The following PRRX2 variants were observed in gnomAD, a reference collection of about 807,000 sequenced individuals.
PRRX2 encodes paired mesoderm homeobox protein 2.
Under a neutral mutation model 18.0 loss-of-function variants are expected in PRRX2, and 11 were observed. The ratio of observed to expected loss-of-function variants is 0.61; its 90% CI spans 0.39 to 1.01. The LOEUF (loss-of-function observed/expected upper bound fraction) is 1.01, where lower values mean the gene tolerates loss of function less well. Ranked by LOEUF, PRRX2 falls within the 50% of genes least tolerant of loss-of-function variation. The pLI, the probability that PRRX2 is intolerant of heterozygous loss-of-function variation, is 0.01. For missense variants in PRRX2, 387 were observed against 351.0 expected (o/e 1.10, Z -0.82); for synonymous variants, 177 against 154.8 (o/e 1.14, Z -1.06).
intron 1 of PRRX2, among the ~76,000 whole-genome samples, chr9:129,688,758 CA>C (rs1832324009): frequency 6.6e-6 from 1 of 152,190 alleles, no homozygotes; most frequent in African/African-American, 2.4e-5. Context: ...CAAACGTGCA[CA>C]GGGGTTCTGG....
chr9:129,682,902 C>T (rs907071511), intron 1 of PRRX2, among the ~76,000 whole-genome samples: 1 of 150,540 alleles, frequency 6.6e-6, no homozygotes, highest in South Asian at 2.1e-4. Flanking sequence ...GTCAGGTGTT[C>T]GAAACCAGCC....
rs568398839 is a variant in PRRX2, at chr9:129,714,971, G to A, written c.260-4260G>A. ...TTTTCAGCGCAAGGGCTCTTGTTTC[G>A]GTTTAAAGTTTCTTCCTCATCGAGG... On this transcript the variant is annotated intron_variant, in intron 1 of 3. Coordinates refer to ENST00000372469, the MANE Select transcript of PRRX2 (RefSeq NM_016307.4). Among the ~76,000 whole-genome samples, 39 of 152,166 alleles carry A rather than the reference G, an allele frequency of 2.6e-4. 1 individual carries two copies. The highest frequency in any genetic ancestry group is 8.2e-4 in the African/African-American group (34 of 41,520).
chr9:129,717,310 T>A (rs913599820), intron 1 of PRRX2, among the ~76,000 whole-genome samples: 8 of 152,064 alleles, frequency 5.3e-5, no homozygotes, highest in Admixed American at 2.6e-4. Flanking sequence ...CCTCAAGTAA[T>A]CCACCTGCCT....
rs146604293 is a variant in PRRX2, at chr9:129,688,408, G to A, written c.259+22282G>A. 3.9e-3 allele frequency among the ~76,000 whole-genome samples: 593 copies of A among 152,204 alleles called. 4 individuals carry two copies. The highest frequency in any genetic ancestry group is 0.011 in the Admixed American group (164 of 15,284). On this transcript the variant is annotated intron_variant, in intron 1 of 3. Transcript: ENST00000372469. ...CTGGGAAGAGCCCCATGATATAATG[G>A]GGGTCATTTGAAGAGCTACCCTGGA... is the stretch of plus-strand genomic sequence containing the variant.
intron 1 of PRRX2, among the ~76,000 whole-genome samples, chr9:129,697,905 C>A (rs1204564866): frequency 6.6e-6 from 1 of 152,010 alleles, no homozygotes; most frequent in East Asian, 1.9e-4. Context: ...TAAGATGAGG[C>A]CTTTGGGGCA....
chr9:129,695,056 C>G lies in PRRX2; in HGVS notation c.260-24175C>G, dbSNP rs1016477708. 2.0e-5 allele frequency among the ~76,000 whole-genome samples: 3 copies of G among 152,138 alleles called. No individual in the cohort carries two copies. Among genetic ancestry groups the G allele is most frequent in the African/African-American group, 7.2e-5 (3 of 41,418 alleles). On this transcript the variant is annotated intron_variant, in intron 1 of 3. Transcript: ENST00000372469. The surrounding 1 kb of genome is among the most constrained non-coding windows in gnomAD (Gnocchi z 4.8). ...GGGTCTGGGGGCAGGGTCCCAGTAC[C>G]CACTGATTAATCTTTTGGGGTCACC...
chr9:129,693,124 A>C (rs1832381436), intron 1 of PRRX2, among the ~76,000 whole-genome samples: 2 of 151,942 alleles, frequency 1.3e-5, no homozygotes, highest in African/African-American at 2.4e-5. Context: ...CTGTAGTTTT[A>C]ATTTGCATTT....
chr9:129,690,844 G>A (rs1832352080), intron 1 of PRRX2, among the ~76,000 whole-genome samples: 1 of 151,926 alleles, frequency 6.6e-6, no homozygotes, highest in South Asian at 2.1e-4. Context: ...TCTACACCAT[G>A]AGGCCATCTC....
At chr9:129,718,988 TTTG>T (rs1463566430) in intron 1 of PRRX2, among the ~76,000 whole-genome samples, 3 of 152,106 alleles carry the variant, frequency 2.0e-5, no homozygotes, top group Admixed American at 6.5e-5. Flanking sequence ...TGTGGCTGCT[TTTG>T]TTCTCCGTTA....
At chr9:129,714,473 G>A (rs935782583) in intron 1 of PRRX2, among the ~76,000 whole-genome samples, 18 of 151,992 alleles carry the variant, frequency 1.2e-4, no homozygotes, top group Admixed American at 5.2e-4. Context: ...TGCAGGGGAC[G>A]GTGGGTGGCC....
intron 1 of PRRX2, among the ~76,000 whole-genome samples, chr9:129,691,219 C>T (rs1832357041): frequency 6.6e-6 from 1 of 151,286 alleles, no homozygotes. Flanking sequence ...AACCTGTAAT[C>T]CCAGCTACAT....
At chr9:129,680,364 G>A (rs1417051743) in intron 1 of PRRX2, among the ~76,000 whole-genome samples, 2 of 141,444 alleles carry the variant, frequency 1.4e-5, no homozygotes, top group African/African-American at 2.7e-5. Context: ...TCATGCCACT[G>A]CACTCCAGCC....
intron 1 of PRRX2, among the ~76,000 whole-genome samples, chr9:129,681,253 C>G (rs888672126): frequency 6.6e-6 from 1 of 152,216 alleles, no homozygotes; most frequent in Non-Finnish European, 1.5e-5. Context: ...GGTGTGATGG[C>G]TCACACCTGT....
At chr9:129,684,459 C>CACACA (rs1491097967) in intron 1 of PRRX2, among the ~76,000 whole-genome samples, 1 of 134,158 alleles carries the variant, frequency 7.5e-6, no homozygotes, top group African/African-American at 2.9e-5. Context: ...CACACACACA[C>CACACA]CCAACAGAAA....
Position 129,691,927 on chromosome 9 carries a change from C to T in PRRX2, c.259+25801C>T, listed in dbSNP as rs889860530. ...TATGAGCCATCGTGCCTGGCCTAGA[C>T]GGTACTTATTTATTTATTTATTTAT... On this transcript the variant is annotated intron_variant, in intron 1 of 3. Transcript: ENST00000372469. Among the ~76,000 whole-genome samples the T allele has an allele frequency of 5.1e-5, 7 of 136,006 alleles. No homozygotes were observed. In the East Asian group the frequency reaches 7.0e-4, roughly 14 times the overall value. The allele number at this position is 136,006 out of a possible 152,430, so 89.2% of individuals were successfully genotyped here.
Position 129,695,566 on chromosome 9 carries a change from G to T in PRRX2, c.260-23665G>T, listed in dbSNP as rs1564150137. Among the ~76,000 whole-genome samples the T allele has an allele frequency of 6.6e-6, 1 of 152,180 alleles. No homozygotes were observed. Among genetic ancestry groups the T allele is most frequent in the Non-Finnish European group, 1.5e-5 (1 of 68,040 alleles). ...CTCAGTCTTAGCCTGGCACAGAGCTGGGAGCCGGGCCGGGAGCCCCCAGCT... is the reference window on the plus strand; with the variant it reads ...CTCAGTCTTAGCCTGGCACAGAGCTTGGAGCCGGGCCGGGAGCCCCCAGCT... On this transcript the variant is annotated intron_variant, in intron 1 of 3. Transcript: ENST00000372469. The surrounding 1 kb of genome is among the most constrained non-coding windows in gnomAD (Gnocchi z 4.8).
At chr9:129,710,605 C>A (rs1384932080) in intron 1 of PRRX2, among the ~76,000 whole-genome samples, 1 of 152,158 alleles carries the variant, frequency 6.6e-6, no homozygotes, top group East Asian at 1.9e-4. Flanking sequence ...TGGTGGCAGG[C>A]ACTTGTAGTC....
In PRRX2 at chr9:129,666,062, G is replaced by A; in HGVS notation, c.195G>A (p.Ala65=). Residue 65 remains alanine, a synonymous_variant, in exon 1 of 4, where the codon GCG becomes GCA. Coordinates refer to ENST00000372469, the MANE Select transcript of PRRX2 (RefSeq NM_016307.4). ...LAARPGARAE[A]REGAAREPSG... is the part of the protein sequence containing the mutation. ...CGCGCCCCGGGGCCAGGGCCGAGGC[G>A]CGGGAGGGCGCAGCACGGGAGCCGT... The A allele has an allele frequency of 9.6e-7, 1 of 1,042,536 alleles. No individual in the cohort carries two copies. Among genetic ancestry groups the A allele is most frequent in the African/African-American group, 1.7e-5 (1 of 58,012 alleles). The allele number at this position is 1,042,536 out of a possible 1,614,324, so 64.6% of individuals were successfully genotyped here. A position where few individuals can be genotyped will look rare whatever the true frequency, so the allele number is the denominator to read the frequency against.
chr9:129,719,401 A>G lies in PRRX2; in HGVS notation c.430A>G (p.Ser144Gly). 6.5e-7 allele frequency: 1 copy of G among 1,540,682 alleles called. No homozygotes were observed. The highest frequency in any genetic ancestry group is 8.7e-7 in the Non-Finnish European group (1 of 1,143,330). ...REELARRVNL[S>G]EARVQVWFQN... is the part of the protein sequence containing the mutation. ...GGAGCTTGCCCGGCGCGTCAACCTC[A>G]GCGAGGCGCGCGTTCAGGTGAGCGC... Residue 144 changes from serine (S) to glycine (G), a missense_variant, in exon 2 of 4, where the codon AGC (serine) becomes GGC (glycine). Physicochemically the swap from Ser to Gly is moderately conservative, Grantham distance 56. Coordinates refer to ENST00000372469, the MANE Select transcript of PRRX2 (RefSeq NM_016307.4).
Sources: allele counts gnomAD v4.1 joint callset (sites outside exome capture counted in the v4.1 genomes callset), GRCh38; gene constraint gnomAD v4.1.1; non-coding constraint Gnocchi (gnomAD v3.1); transcripts MANE v1.5; gene names NCBI Gene and HGNC (gene_info 2026-07-23, HGNC 2026-07-21).